The following RAB9B variants were observed in gnomAD, a reference collection of about 807,000 sequenced individuals.
The protein encoded by RAB9B is RAB9B, member RAS oncogene family.
RAB9B carries 1 observed loss-of-function variant against 8.9 expected under a neutral mutation model. The observed-to-expected ratio is 0.11, with a 90% CI of 0.04 to 0.53. RAB9B has a LOEUF of 0.53. Among genes scored for constraint, RAB9B ranks in the 20% least tolerant of loss-of-function variants. The probability of loss-of-function intolerance (pLI) is 0.93; values close to 1 mark genes in which losing one functional copy is unlikely to be tolerated. For missense variants in RAB9B, 82 were observed against 152.9 expected, an observed-to-expected ratio of 0.54 and a Z score of 2.45; for synonymous variants, 63 against 57.0, an observed-to-expected ratio of 1.10 and a Z score of -0.47.
chrX:103,792,155 G>T, the RAB9B span: 2 of 111,110 alleles, frequency 1.8e-5, no homozygotes, highest in African/African-American at 6.5e-5. Flanking sequence ...TTAATTGAAG[G>T]AAAGATTTGT....
the RAB9B span, among the ~76,000 whole-genome samples, chrX:103,781,773 G>A: frequency 8.9e-6 from 1 of 112,354 alleles, no homozygotes; most frequent in Admixed American, 9.4e-5. Flanking sequence ...ATTGAGAAAT[G>A]TTATTACTAT....
At chrX:103,797,087 CTTTT>C in the RAB9B span, among the ~76,000 whole-genome samples, 3 of 84,654 alleles carry the variant, frequency 3.5e-5, no homozygotes, top group Non-Finnish European at 2.3e-5. Context: ...GGAAAGAGAC[CTTTT>C]TTTTTTTTTT....
chrX:103,807,010 G>A, the RAB9B span, among the ~76,000 whole-genome samples: 5 of 111,886 alleles, frequency 4.5e-5, no homozygotes, highest in South Asian at 3.8e-4. Context: ...GGCGGTCCTC[G>A]TGGCCCAAAG....
At chrX:103,789,677 T>C in the RAB9B span, among the ~76,000 whole-genome samples, 1 of 112,189 alleles carries the variant, frequency 8.9e-6, no homozygotes, top group Non-Finnish European at 1.9e-5. Context: ...ACATGTAATG[T>C]TGCCAAGTAC....
intron 1 of RAB9B, among the ~76,000 whole-genome samples, chrX:103,831,512 C>G (rs2074703422): frequency 1.0e-5 from 1 of 97,678 alleles, no homozygotes; most frequent in Non-Finnish European, 2.1e-5. Flanking sequence ...AGCCCAAAGG[C>G]ACACTAGATA....
At chrX:103,793,637 G>A in the RAB9B span, among the ~76,000 whole-genome samples, 1 of 106,724 alleles carries the variant, frequency 9.4e-6, no homozygotes, top group Middle Eastern at 4.8e-3. Flanking sequence ...CAGAGGAACC[G>A]AAAGCCAGTT....
the RAB9B span, among the ~76,000 whole-genome samples, chrX:103,799,720 AAG>A: frequency 8.9e-6 from 1 of 112,469 alleles, no homozygotes; most frequent in South Asian, 3.7e-4. Context: ...CACAAAAGTA[AAG>A]AGAGTCCCTA....
the RAB9B span, chrX:103,788,403 A>G: frequency 6.3e-6 from 7 of 1,104,160 alleles, no homozygotes; most frequent in African/African-American, 9.0e-5. Context: ...AACTCCATAA[A>G]GCTTACCCTG....
At chrX:103,780,471 G>A in the RAB9B span, among the ~76,000 whole-genome samples, 6 of 110,298 alleles carry the variant, frequency 5.4e-5, no homozygotes, top group Non-Finnish European at 5.7e-5. Flanking sequence ...GTGTGTGTGC[G>A]CGTCTGAAGA....
the RAB9B span, among the ~76,000 whole-genome samples, chrX:103,782,302 G>T: frequency 8.9e-6 from 1 of 112,260 alleles, no homozygotes; most frequent in Non-Finnish European, 1.9e-5. Flanking sequence ...CTTTACATTA[G>T]AAACTCATTA....
At chrX:103,786,169 T>C in the RAB9B span, 1 of 1,116,571 alleles carries the variant, frequency 9.0e-7, no homozygotes, top group Non-Finnish European at 1.2e-6. Context: ...TCCCTACTCC[T>C]GTGAGTTAGC....
chrX:103,817,482 G>A (rs143797987), downstream of RAB9B, among the ~76,000 whole-genome samples: 855 of 110,245 alleles, frequency 7.8e-3, 6 homozygotes, highest in African/African-American at 0.027. Flanking sequence ...TAATGTAGGT[G>A]ATGGGATGAA....
chrX:103,821,416 G>T (rs747074103), downstream of RAB9B, among the ~76,000 whole-genome samples: 2 of 109,589 alleles, frequency 1.8e-5, no homozygotes, highest in South Asian at 7.8e-4. Flanking sequence ...ACTGCCCAAA[G>T]TTGCAACAGG....
chrX:103,806,174 G>C, the RAB9B span, among the ~76,000 whole-genome samples: 1 of 110,792 alleles, frequency 9.0e-6, no homozygotes, highest in Non-Finnish European at 1.9e-5. Context: ...CTAGTTTTAA[G>C]ATGAAAAGTT....
At chrX:103,794,195 G>T in the RAB9B span, among the ~76,000 whole-genome samples, 1 of 111,399 alleles carries the variant, frequency 9.0e-6, no homozygotes, top group Non-Finnish European at 1.9e-5. Flanking sequence ...AGTCTGATCG[G>T]CTGACTCCAG....
the RAB9B span, among the ~76,000 whole-genome samples, chrX:103,780,468 T>TGTGTGTGTGC: frequency 1.0e-4 from 11 of 109,600 alleles, no homozygotes; most frequent in South Asian, 3.9e-4. Flanking sequence ...TGTGTGTGTG[T>TGTGTGTGTGC]GCGCGTCTGA....
At chrX:103,829,932 G>A (rs764256935) in intron 1 of RAB9B, among the ~76,000 whole-genome samples, 12 of 111,498 alleles carry the variant, frequency 1.1e-4, no homozygotes, top group Middle Eastern at 9.3e-3. Context: ...CAGAATTAAT[G>A]CCTCTGAATT....
the RAB9B span, chrX:103,791,573 T>C: frequency 8.9e-6 from 1 of 112,643 alleles, no homozygotes; most frequent in African/African-American, 3.2e-5. Context: ...GCCTCTGTCA[T>C]ATCTTCACAA....
chrX:103,829,056 G>A (rs2074693901), intron 1 of RAB9B, among the ~76,000 whole-genome samples: 1 of 112,186 alleles, frequency 8.9e-6, no homozygotes, highest in African/African-American at 3.2e-5. Flanking sequence ...GCAAAGATTT[G>A]TAAGCATTTT....
Sources: allele counts gnomAD v4.1 joint callset (sites outside exome capture counted in the v4.1 genomes callset), GRCh38; gene constraint gnomAD v4.1.1; transcripts MANE v1.5; gene names NCBI Gene and HGNC (gene_info 2026-07-23, HGNC 2026-07-21).